QTGAL: variants seen among roughly 807,000 people sequenced by gnomAD.
The protein encoded by QTGAL is BGnT-like protein 1.
the QTGAL span, among the ~76,000 whole-genome samples, chr17:83,018,514 T>A: frequency 2.2e-3 from 337 of 152,344 alleles, 1 homozygote; most frequent in South Asian, 0.012. Flanking sequence ...ATAGCTAATA[T>A]TATCTCTATT....
the QTGAL span, among the ~76,000 whole-genome samples, chr17:82,971,402 C>T: frequency 3.9e-5 from 6 of 152,168 alleles, no homozygotes; most frequent in African/African-American, 7.2e-5. Context: ...GCCAGGCGCC[C>T]GGCGAGTCCT....
the QTGAL span, among the ~76,000 whole-genome samples, chr17:82,972,452 G>C: frequency 8.0e-6 from 1 of 124,366 alleles, no homozygotes; most frequent in African/African-American, 3.5e-5. Context: ...GAAGGACCTG[G>C]TGCTGACCAC....
the QTGAL span, among the ~76,000 whole-genome samples, chr17:82,999,257 T>C: frequency 1.3e-5 from 2 of 150,890 alleles, no homozygotes; most frequent in South Asian, 4.2e-4. Context: ...CACAAAGGCT[T>C]GTACATATGT....
the QTGAL span, among the ~76,000 whole-genome samples, chr17:83,014,139 C>G: frequency 6.6e-6 from 1 of 152,230 alleles, no homozygotes; most frequent in Non-Finnish European, 1.5e-5. Context: ...AAACGTTTAA[C>G]TGTGAACACG....
At chr17:83,031,487 C>G in the QTGAL span, among the ~76,000 whole-genome samples, 1 of 152,162 alleles carries the variant, frequency 6.6e-6, no homozygotes, top group Non-Finnish European at 1.5e-5. Flanking sequence ...GCCCGAGCAC[C>G]CACGGGTCCC....
chr17:82,957,954 C>G, the QTGAL span, among the ~76,000 whole-genome samples: 1 of 152,292 alleles, frequency 6.6e-6, no homozygotes. Context: ...TCTCTGTTCT[C>G]CCTCTGCTGT....
chr17:82,987,788 T>A, the QTGAL span, among the ~76,000 whole-genome samples: 2 of 152,324 alleles, frequency 1.3e-5, no homozygotes, highest in Admixed American at 1.3e-4. Flanking sequence ...TTTAAAGTAG[T>A]TTTTTCTAAT....
the QTGAL span, among the ~76,000 whole-genome samples, chr17:82,962,632 C>T: frequency 2.9e-4 from 43 of 149,054 alleles, 1 homozygote; most frequent in African/African-American, 1.0e-3. Context: ...TGGAGGCTCC[C>T]GCGGGTGCTG....
the QTGAL span, among the ~76,000 whole-genome samples, chr17:83,034,311 G>A: frequency 5.2e-3 from 785 of 152,268 alleles, 4 homozygotes; most frequent in East Asian, 0.027. Flanking sequence ...CATATTTTCC[G>A]ATTTCATCCC....
At chr17:83,005,586 C>T in the QTGAL span, 1 of 702,840 alleles carries the variant, frequency 1.4e-6, no homozygotes, top group Non-Finnish European at 2.6e-6. The surrounding 1 kb of genome is among the most constrained non-coding windows in gnomAD (Gnocchi z 5.6). Flanking sequence ...TCTTGAATCA[C>T]ATGCAAAGTG....
chr17:83,048,771 TG>T, the QTGAL span: 2 of 1,613,682 alleles, frequency 1.2e-6, no homozygotes, highest in African/African-American at 2.7e-5. Context: ...CGTTGTGGAC[TG>T]GGAGGATAAT....
chr17:83,032,076 T>G, the QTGAL span, among the ~76,000 whole-genome samples: 1 of 151,992 alleles, frequency 6.6e-6, no homozygotes, highest in Non-Finnish European at 1.5e-5. Flanking sequence ...ACTCGGGAGC[T>G]GAACAACCAG....
chr17:83,018,160 C>T, the QTGAL span, among the ~76,000 whole-genome samples: 3 of 149,964 alleles, frequency 2.0e-5, no homozygotes, highest in African/African-American at 4.9e-5. Flanking sequence ...ACATGCTCCG[C>T]GAACATGGTG....
At chr17:83,032,173 A>G in the QTGAL span, among the ~76,000 whole-genome samples, 757 of 67,478 alleles carry the variant, frequency 0.011, no homozygotes, top group East Asian at 0.022. Context: ...CGCAGACCGA[A>G]CTCGGGAGCT....
chr17:82,988,080 G>A, the QTGAL span, among the ~76,000 whole-genome samples: 1 of 152,172 alleles, frequency 6.6e-6, no homozygotes, highest in Non-Finnish European at 1.5e-5. Flanking sequence ...CTTGTCTACT[G>A]TTGGTGTATA....
chr17:83,010,197 AGCACTGCT>A, the QTGAL span, among the ~76,000 whole-genome samples: 1 of 152,086 alleles, frequency 6.6e-6, no homozygotes, highest in Non-Finnish European at 1.5e-5. Context: ...GCTCTTCTCC[AGCACTGCT>A]GCTGCTGAGC....
the QTGAL span, chr17:82,949,510 A>G: frequency 6.6e-6 from 1 of 152,204 alleles, no homozygotes; most frequent in South Asian, 2.1e-4. Flanking sequence ...TGCTCCCGCC[A>G]AACGGAATTG....
chr17:83,028,953 C>A, the QTGAL span, among the ~76,000 whole-genome samples: 1 of 152,216 alleles, frequency 6.6e-6, no homozygotes, highest in African/African-American at 2.4e-5. Flanking sequence ...GCATGACCAT[C>A]CGGCTGAGTG....
the QTGAL span, among the ~76,000 whole-genome samples, chr17:82,951,611 A>G: frequency 5.3e-5 from 8 of 152,170 alleles, no homozygotes; most frequent in African/African-American, 1.9e-4. Flanking sequence ...TTAGGCTGAA[A>G]GCTGGGCCTC....
Sources: allele counts gnomAD v4.1 joint callset (sites outside exome capture counted in the v4.1 genomes callset), GRCh38; gene constraint gnomAD v4.1.1; non-coding constraint Gnocchi (gnomAD v3.1); transcripts MANE v1.5; gene names NCBI Gene and HGNC (gene_info 2026-07-23, HGNC 2026-07-21).